Variants in MAJIN observed in about 807,000 individuals in gnomAD.
MAJIN encodes the protein membrane anchored junction protein, also known as membrane-anchored junction protein.
In MAJIN, 27 loss-of-function variants were observed where a neutral mutation model predicts 30.2. That is an observed-to-expected ratio of 0.89 (90% CI 0.66 to 1.23). The LOEUF is 1.23. Ranked by LOEUF, MAJIN falls within the 50% of genes most tolerant of loss-of-function variation. The probability of loss-of-function intolerance (pLI) is 0.00; values close to 1 mark genes in which losing one functional copy is unlikely to be tolerated. For synonymous variants in MAJIN, 78 were observed against 91.6 expected, an observed-to-expected ratio of 0.85 and a Z score of 0.85; for missense variants, 253 against 260.3, an observed-to-expected ratio of 0.97 and a Z score of 0.19.
At chr11:64,965,478 G>A (rs997186234) in intron 1 of MAJIN, among the ~76,000 whole-genome samples, 3 of 149,824 alleles carry the variant, frequency 2.0e-5, no homozygotes, top group South Asian at 2.1e-4. Flanking sequence ...TTACTCTTAA[G>A]TTACTCTTTG....
rs562979205 is a variant in MAJIN at position 64,941,558 on chromosome 11, G to A, written c.474-912C>T. ...TGTAATCTCAGCTACTCAGGAGGCT[G>A]AGGCAGGAGAATCGCTTGAACCCAG... On this transcript the variant is annotated intron_variant, in intron 8 of 10. Transcript: ENST00000301896. Among the ~76,000 whole-genome samples, 79 of 152,328 alleles carry A rather than the reference G, an allele frequency of 5.2e-4. 2 individuals are homozygous for A. In the South Asian group the frequency reaches 0.011, roughly 21 times the overall value.
intron 1 of MAJIN, among the ~76,000 whole-genome samples, chr11:64,966,438 G>A (rs1945810889): frequency 6.6e-6 from 1 of 152,184 alleles, no homozygotes; most frequent in East Asian, 1.9e-4. Flanking sequence ...GGGAGGCTGA[G>A]GTAGGAGAAT....
At chr11:64,956,763 G>GTTTT (rs398016405) in intron 3 of MAJIN, among the ~76,000 whole-genome samples, 36 of 102,492 alleles carry the variant, frequency 3.5e-4, no homozygotes, top group Admixed American at 7.8e-4. Context: ...CATATAAGCT[G>GTTTT]TTTTTTTTTT....
At chr11:64,952,915 G>T (rs1945576689) in intron 4 of MAJIN, among the ~76,000 whole-genome samples, 1 of 152,018 alleles carries the variant, frequency 6.6e-6, no homozygotes, top group African/African-American at 2.4e-5. Flanking sequence ...ATGTTGGCCA[G>T]TCTGGTCTTA....
At position 64,966,145 on chromosome 11, in the gene MAJIN, GAAAAAAAA is replaced by G. The variant is rs58387921; in HGVS notation, c.-65+5724_-65+5731del. On this transcript the variant is annotated intron_variant, in intron 1 of 10. Coordinates refer to ENST00000301896, the MANE Select transcript of MAJIN (RefSeq NM_001037225.3). Reference sequence around the variant, plus strand: ...ACATGTAAGGAAGAAGATTAAAAATGAAAAAAAAAAAAAAAAAAAAGCAGCAGCAGCAG... The same window carrying G: ...ACATGTAAGGAAGAAGATTAAAAATGAAAAAAAAAAAAGCAGCAGCAGCAG... Among the ~76,000 whole-genome samples, 26 of 57,122 alleles carry G rather than the reference GAAAAAAAA, an allele frequency of 4.6e-4. 2 individuals carry two copies. The highest frequency in any genetic ancestry group is 1.5e-3 in the African/African-American group (21 of 14,454). 37.5% of individuals were successfully genotyped at this position (57,122 alleles called of 152,430 possible). A position where few individuals can be genotyped will look rare whatever the true frequency, so the allele number is the denominator to read the frequency against.
chr11:64,938,663 T>A (rs1242426647), intron 10 of MAJIN, 90 bp from the exon 11 acceptor site: 1 of 1,409,436 alleles, frequency 7.1e-7, no homozygotes, highest in Non-Finnish European at 9.7e-7. Flanking sequence ...AGCTAGGGCA[T>A]TTTTGCTCTG....
chr11:64,956,549 A>G (rs1010437239), intron 3 of MAJIN, among the ~76,000 whole-genome samples: 1 of 151,918 alleles, frequency 6.6e-6, no homozygotes, highest in African/African-American at 2.4e-5. Flanking sequence ...AACAACAAAG[A>G]CCAGTGGATT....
chr11:64,958,307 G>T (rs1250962520), intron 3 of MAJIN, among the ~76,000 whole-genome samples: 1 of 151,726 alleles, frequency 6.6e-6, no homozygotes, highest in Non-Finnish European at 1.5e-5. Context: ...AGCTCTTTAG[G>T]GTCCTTAATA....
chr11:64,961,202 C>G (rs1355026337), intron 1 of MAJIN, among the ~76,000 whole-genome samples: 1 of 151,008 alleles, frequency 6.6e-6, no homozygotes, highest in African/African-American at 2.4e-5. Flanking sequence ...GGGTCTCACT[C>G]TGTCACCCAG....
chr11:64,950,082 C>T (rs1166172136), intron 5 of MAJIN, among the ~76,000 whole-genome samples: 2 of 152,116 alleles, frequency 1.3e-5, no homozygotes, highest in African/African-American at 2.4e-5. Flanking sequence ...GTAATCCCAG[C>T]ACTTTGGGAG....
intron 4 of MAJIN, among the ~76,000 whole-genome samples, chr11:64,952,258 G>A (rs955796590): frequency 2.0e-5 from 3 of 151,716 alleles, no homozygotes; most frequent in Middle Eastern, 3.2e-3. Flanking sequence ...CTTGGTCTCC[G>A]CTCACTGCAA....
intron 1 of MAJIN, among the ~76,000 whole-genome samples, chr11:64,962,874 C>T (rs1362491944): frequency 6.6e-6 from 1 of 152,156 alleles, no homozygotes; most frequent in African/African-American, 2.4e-5. Context: ...CGCCTGTAAT[C>T]TCAGCACTTT....
chr11:64,971,414 C>T (rs1431458939), intron 1 of MAJIN, among the ~76,000 whole-genome samples: 14 of 118,460 alleles, frequency 1.2e-4, no homozygotes, highest in African/African-American at 4.8e-4. Context: ...GGCGACAGAG[C>T]GAGACCCCGC....
Position 64,938,369 on chromosome 11 carries a change from G to T in MAJIN, c.*206C>A. The T allele has an allele frequency of 1.4e-6, 1 of 740,174 alleles. No homozygotes were observed. Among genetic ancestry groups the T allele is most frequent in the Non-Finnish European group, 2.2e-6 (1 of 456,934 alleles). 45.9% of individuals were successfully genotyped at this position (740,174 alleles called of 1,614,324 possible). On this transcript the variant is annotated 3_prime_UTR_variant, in exon 11 of 11. Transcript: ENST00000301896. ...TTGGGGGAAAAAATCTATTATAAAG[G>T]GGCAAAGGACACGATAAAACCACAG...
At chr11:64,948,606 T>C (rs571102589) in intron 6 of MAJIN, among the ~76,000 whole-genome samples, 1,493 of 7,330 alleles carry the variant, frequency 0.2, 173 homozygotes, top group Non-Finnish European at 0.25. Context: ...CTACATCATA[T>C]ATATATATAT....
intron 3 of MAJIN, among the ~76,000 whole-genome samples, chr11:64,955,438 TA>T (rs1173173339): frequency 1.3e-5 from 2 of 152,228 alleles, no homozygotes; most frequent in Admixed American, 6.5e-5. Flanking sequence ...CAAAATATGA[TA>T]GTTATTTTAG....
chr11:64,945,950 C>T, intron 8 of MAJIN: 1 of 809,328 alleles, frequency 1.2e-6, no homozygotes, highest in Non-Finnish European at 1.8e-6. Flanking sequence ...CAGTGAAACC[C>T]AAGAATGAGT....
chr11:64,969,022 A>G (rs1184539035), intron 1 of MAJIN, among the ~76,000 whole-genome samples: 1 of 152,178 alleles, frequency 6.6e-6, no homozygotes, highest in Non-Finnish European at 1.5e-5. Context: ...ATAAATAGTT[A>G]GATTTGAGAT....
chr11:64,948,652 T>C (rs1278462807), intron 6 of MAJIN, among the ~76,000 whole-genome samples: 2 of 61,834 alleles, frequency 3.2e-5, no homozygotes, highest in African/African-American at 1.6e-4. Context: ...TTTTTTTTTT[T>C]TTTTTTTTTT....
Sources: gnomAD v4.1 joint callset for allele counts (sites outside exome capture counted in the v4.1 genomes callset) on GRCh38, gnomAD v4.1.1 for gene constraint, MANE v1.5 for transcripts, NCBI Gene and HGNC (gene_info 2026-07-23, HGNC 2026-07-21) for gene names.